Variants in KIF7 observed in about 807,000 individuals in gnomAD.
The protein encoded by KIF7 is kinesin family member 7, also known as kinesin-like protein KIF7.
Under a neutral mutation model 135.7 loss-of-function variants are expected in KIF7, and 104 were observed. The ratio of observed to expected loss-of-function variants is 0.77; its 90% confidence interval spans 0.65 to 0.90. The LOEUF (loss-of-function observed/expected upper bound fraction) is 0.90, where lower values mean the gene tolerates loss of function less well. Ranked by LOEUF, KIF7 falls within the 40% of genes least tolerant of loss-of-function variation. The pLI, the probability that KIF7 is intolerant of heterozygous loss-of-function variation, is 0.00. For synonymous variants in KIF7, 883 were observed against 809.4 expected (o/e 1.09, Z -1.54); for missense variants, 2,005 against 1,839.1 (o/e 1.09, Z -1.65).
chr15:89,656,046 A>G (rs1243940655), upstream of KIF7, among the ~76,000 whole-genome samples: 2 of 152,186 alleles, frequency 1.3e-5, no homozygotes, highest in African/African-American at 4.8e-5. Context: ...TAAAATCTGA[A>G]AACATATTTG....
upstream of KIF7, among the ~76,000 whole-genome samples, chr15:89,656,359 CTT>C (rs112951627): frequency 2.0e-4 from 28 of 142,492 alleles, no homozygotes; most frequent in South Asian, 2.3e-4. Flanking sequence ...CTTTTTAACT[CTT>C]TTTTTTTTTT....
intron 11 of KIF7, 63 bp from the exon 12 acceptor site, chr15:89,633,946 G>A (rs1003686746): frequency 6.3e-7 from 1 of 1,578,276 alleles, no homozygotes; most frequent in Admixed American, 1.7e-5. Context: ...CCATAGTGCT[G>A]GGCACTCAAC....
In KIF7 at chr15:89,645,641, G is replaced by A. The variant is rs1003211963; in HGVS notation, c.1923-190C>T. ...TTTAGGAGGTACAGGGCAGCTGGGG[G>A]CATAGAGGGCCACCCTGGAGGCTGA... On this transcript the variant is annotated intron_variant, in intron 8 of 18. Transcript: ENST00000394412. Among the ~76,000 whole-genome samples, 4 of 152,288 alleles carry A rather than the reference G, an allele frequency of 2.6e-5. No homozygotes were observed. The East Asian group carries it at 7.7e-4, about 29-fold the overall frequency.
intron 10 of KIF7, among the ~76,000 whole-genome samples, chr15:89,644,778 T>C (rs1029690073): frequency 6.6e-6 from 1 of 152,200 alleles, no homozygotes; most frequent in African/African-American, 2.4e-5. Flanking sequence ...ACAACACCCC[T>C]ATTCAGTAGG....
At chr15:89,647,209 G>T in intron 6 of KIF7, 152 bp from the exon 7 acceptor site, 1 of 714,714 alleles carries the variant, frequency 1.4e-6, no homozygotes, top group Non-Finnish European at 2.4e-6. Flanking sequence ...AACTCTGTAG[G>T]AGTTCAGACT....
chr15:89,649,634 G>T, intron 3 of KIF7, 107 bp downstream of exon 3: 1 of 1,300,056 alleles, frequency 7.7e-7, no homozygotes, highest in Non-Finnish European at 1.1e-6. Context: ...CAGGGCTTGG[G>T]TTTTCCATGA....
At chr15:89,643,147 T>A (rs189559201) in intron 10 of KIF7, among the ~76,000 whole-genome samples, 6 of 152,238 alleles carry the variant, frequency 3.9e-5, no homozygotes, top group Admixed American at 1.3e-4. Context: ...CAGAAACAAA[T>A]ACAGTCGGCC....
At chr15:89,623,541 T>A, downstream of KIF7, 1 of 1,345,706 alleles carries the variant, frequency 7.4e-7, no homozygotes, top group Non-Finnish European at 1.0e-6. Flanking sequence ...AAATCTCCCA[T>A]TTGGTCTTAG....
At chr15:89,645,816 A>C in intron 8 of KIF7, 77 bp downstream of exon 8, 7 of 1,545,300 alleles carry the variant, frequency 4.5e-6, no homozygotes, top group Non-Finnish European at 6.1e-6. Flanking sequence ...AGGAGAGGAG[A>C]CGGTGCGATC....
Position 89,630,329 on chromosome 15 carries a change from T to C in KIF7, c.3276A>G (p.Ser1092=). 1 of 1,614,124 alleles carries C rather than the reference T, an allele frequency of 6.2e-7. No homozygotes were observed. The highest frequency in any genetic ancestry group is 8.5e-7 in the Non-Finnish European group (1 of 1,180,002). The change falls in exon 16 of 19, where the codon TCA becomes TCG. Residue 1092 remains serine (S), a synonymous_variant. Coordinates refer to ENST00000394412, the MANE Select transcript of KIF7 (RefSeq NM_198525.3). ...MNLMAKLSYL[S]SSETRALLCK... ...AGAGGAGGGCTCTGGTCTCTGAGGA[T>C]GAGAGGTAGCTGAGCTTGGCCATGA...
intron 3 of KIF7, 98 bp from the exon 4 acceptor site, chr15:89,649,465 C>T (rs1964087547): frequency 5.3e-6 from 7 of 1,326,592 alleles, no homozygotes; most frequent in Non-Finnish European, 6.0e-6. Flanking sequence ...CCTGCCCTTC[C>T]TGACCCACTG....
rs1964006373 is a variant in KIF7, at chr15:89,646,005, C to T, written c.1810G>A (p.Ala604Thr). Residue 604 changes from alanine to threonine, a missense_variant, in exon 8 of 19, where the codon GCT becomes ACT. Ala to Thr is a moderately conservative substitution (Grantham distance 58). Coordinates refer to ENST00000394412, the MANE Select transcript of KIF7 (RefSeq NM_198525.3). Reference sequence around the variant, plus strand: ...ACCTCAGTCAGCAACTCAGCTCCAGCCTCCCTGCCATTTGTCACCTGCTAG... The same window carrying T: ...ACCTCAGTCAGCAACTCAGCTCCAGTCTCCCTGCCATTTGTCACCTGCTAG... ...RGEQVTNGRE[A>T]GAELLTEVNR... The T allele has an allele frequency of 1.2e-6, 2 of 1,613,978 alleles. No homozygotes were observed. The highest frequency in any genetic ancestry group is 1.7e-6 in the Non-Finnish European group (2 of 1,179,996).
At chr15:89,624,945 A>C (rs1421460598), downstream of KIF7, 2 of 1,613,998 alleles carry the variant, frequency 1.2e-6, no homozygotes, top group African/African-American at 2.7e-5. Context: ...ACCTGCCAGC[A>C]TCAGCTTGGC....
At chr15:89,626,167 G>A, downstream of KIF7, 3 of 1,352,106 alleles carry the variant, frequency 2.2e-6, no homozygotes, top group Non-Finnish European at 2.0e-6. Context: ...AGTGCCAAGT[G>A]TGGGATAGGT....
At chr15:89,624,986 AT>A, downstream of KIF7, 1 of 1,614,038 alleles carries the variant, frequency 6.2e-7, no homozygotes, top group Non-Finnish European at 8.5e-7. Flanking sequence ...CCACAGACCT[AT>A]GAGGTTGAGC....
At chr15:89,644,906 G>A in intron 10 of KIF7, 107 bp downstream of exon 10, 2 of 1,459,130 alleles carry the variant, frequency 1.4e-6, no homozygotes, top group Non-Finnish European at 1.9e-6. Context: ...AGGCCATCCG[G>A]CCCCTGCTCC....
downstream of KIF7, chr15:89,625,723 G>A (rs139498934): frequency 1.1e-5 from 18 of 1,613,232 alleles, no homozygotes; most frequent in East Asian, 4.0e-4. Flanking sequence ...GAGTAAAGAG[G>A]GGTCTCCAAG....
At chr15:89,625,955 C>G, downstream of KIF7, 1 of 1,585,790 alleles carries the variant, frequency 6.3e-7, no homozygotes, top group Non-Finnish European at 8.6e-7. Flanking sequence ...CACCTCCCAG[C>G]TGTGCCGTGC....
chr15:89,657,328 A>AAAG (rs533315174), upstream of KIF7, among the ~76,000 whole-genome samples: 1,780 of 127,688 alleles, frequency 0.014, 42 homozygotes, highest in African/African-American at 0.027. Flanking sequence ...AAAAAAAAAA[A>AAAG]AGAGAGAGAG....
Sources: allele counts gnomAD v4.1 joint callset (sites outside exome capture counted in the v4.1 genomes callset), GRCh38; gene constraint gnomAD v4.1.1; transcripts MANE v1.5; gene names NCBI Gene and HGNC (gene_info 2026-07-23, HGNC 2026-07-21).